HERC2: variants seen among roughly 807,000 people sequenced by gnomAD.
HERC2 encodes the protein HECT and RLD domain containing E3 ubiquitin protein ligase 2.
A neutral mutation model predicts 537.7 loss-of-function variants in HERC2; 102 were observed. The observed-to-expected ratio is 0.19, with a 90% CI of 0.16 to 0.22. The LOEUF is 0.22. Among genes scored for constraint, HERC2 ranks in the 10% least tolerant of loss-of-function variants. HERC2 has a pLI of 1.00. For missense variants in HERC2, 4,236 were observed against 6,198.2 expected (o/e 0.68, Z 10.63); for synonymous variants, 2,224 against 2,466.2 (o/e 0.90, Z 2.91).
At chr15:28,282,251 G>C (rs1337068524) in intron 4 of HERC2, among the ~76,000 whole-genome samples, 1 of 152,156 alleles carries the variant, frequency 6.6e-6, no homozygotes, top group Non-Finnish European at 1.5e-5. Context: ...ATTTAAGTAA[G>C]ACCTAGAGTC....
intron 2 of HERC2, among the ~76,000 whole-genome samples, chr15:28,308,573 C>A (rs2076855810): frequency 6.6e-6 from 1 of 152,202 alleles, no homozygotes; most frequent in African/African-American, 2.4e-5. Flanking sequence ...CTAGCAAGAA[C>A]TTCCAGTACT....
At chr15:28,142,764 C>T in intron 75 of HERC2, 63 bp downstream of exon 75, 2 of 1,517,944 alleles carry the variant, frequency 1.3e-6, no homozygotes, top group Non-Finnish European at 1.8e-6. Context: ...CACATGACAA[C>T]TCTCAGTGGC....
chr15:28,238,339 A>G, intron 24 of HERC2, 122 bp from the exon 25 acceptor site: 1 of 842,788 alleles, frequency 1.2e-6, no homozygotes, highest in Non-Finnish European at 2.0e-6. Flanking sequence ...ACCAGAGTAT[A>G]ATGACCTTCT....
chr15:28,287,719 CTTTT>C (rs766216433), intron 4 of HERC2, among the ~76,000 whole-genome samples: 3 of 124,822 alleles, frequency 2.4e-5, no homozygotes, highest in African/African-American at 6.8e-5. Context: ...ACTTATTCCT[CTTTT>C]TTTTTTTTTT....
intron 20 of HERC2, among the ~76,000 whole-genome samples, chr15:28,249,415 T>C (rs985937011): frequency 5.9e-5 from 9 of 152,170 alleles, no homozygotes; most frequent in African/African-American, 1.7e-4. Flanking sequence ...CATGAGCCAT[T>C]GGAAGATGAC....
chr15:28,292,115 G>A (rs923729928), intron 4 of HERC2, among the ~76,000 whole-genome samples: 1 of 150,056 alleles, frequency 6.7e-6, no homozygotes, highest in African/African-American at 2.5e-5. Context: ...TGTAATCCCA[G>A]CTACTCGGGA....
chr15:28,117,646 ACAGTGAGTGAGTGCCTCAGCCAGGAC>A (rs1888423583), intron 86 of HERC2: 1 of 422,406 alleles, frequency 2.4e-6, no homozygotes, highest in African/African-American at 2.0e-5. Flanking sequence ...TGAAGCAGAC[ACAGTGAGTGAGTGCCTCAGCCAGGAC>A]CAGCCCTTCC....
In HERC2 at chr15:28,177,198, TATACTGATCCACA is replaced by T; in HGVS notation, c.9255-84_9255-72del. Reference sequence around the variant, plus strand: ...TTAGAGATGAAGGAAAAAAGACATCTATACTGATCCACATGTAGTCAACACAGGATCCACAGAT... The same window carrying T: ...TTAGAGATGAAGGAAAAAAGACATCTTGTAGTCAACACAGGATCCACAGAT... On this transcript the variant is annotated intron_variant, in intron 60 of 92. Transcript: ENST00000261609. This position sits in a 1 kb window ranked among gnomAD's most constrained non-coding sequence, Gnocchi z 5.0. 6.9e-7 allele frequency: 1 copy of T among 1,454,770 alleles called. No individual in the cohort carries two copies. Among genetic ancestry groups the T allele is most frequent in the Non-Finnish European group, 9.4e-7 (1 of 1,063,924 alleles). 90.1% of individuals were successfully genotyped at this position (1,454,770 alleles called of 1,614,324 possible).
intron 2 of HERC2, chr15:28,315,602 G>C (rs2077060936): frequency 8.1e-6 from 4 of 496,884 alleles, no homozygotes; most frequent in South Asian, 6.9e-5. Context: ...AGACCAGCCT[G>C]GGCAACATGG....
chr15:28,301,592 C>A (rs1392810539), intron 2 of HERC2, among the ~76,000 whole-genome samples: 1 of 148,224 alleles, frequency 6.7e-6, no homozygotes, highest in Non-Finnish European at 1.5e-5. Context: ...GGGAAGGCAT[C>A]CATTCTGAAA....
At chr15:28,130,009 G>A (rs974959568) in intron 83 of HERC2, among the ~76,000 whole-genome samples, 154 bp downstream of exon 83, 2 of 152,002 alleles carry the variant, frequency 1.3e-5, no homozygotes, top group Non-Finnish European at 2.9e-5. Flanking sequence ...TCTTGACCTC[G>A]TGATCCGCCT....
Position 28,266,000 on chromosome 15 carries a change from A to G in HERC2, c.1599-26T>C, listed in dbSNP as rs751667114. 1 of 1,609,580 alleles carries G rather than the reference A, an allele frequency of 6.2e-7. No individual in the cohort carries two copies. The highest frequency in any genetic ancestry group is 1.1e-5 in the South Asian group (1 of 90,724). The stretch of plus-strand genomic sequence containing the variant: ...CTTGGGGAGAAAGGGAACAAACATG[A>G]ATGCCCTTCTTCTTGGTGTTATTTC... On this transcript the variant is annotated intron_variant, in intron 12 of 92. Coordinates refer to ENST00000261609, the MANE Select transcript of HERC2 (RefSeq NM_004667.6). This position sits in a 1 kb window ranked among gnomAD's most constrained non-coding sequence, Gnocchi z 4.0.
intron 5 of HERC2, 91 bp downstream of exon 5, chr15:28,279,977 C>G: frequency 1.1e-6 from 1 of 909,358 alleles, no homozygotes; most frequent in Non-Finnish European, 1.7e-6. Flanking sequence ...GTGAAGACAG[C>G]CTATATTGAA....
chr15:28,195,616 C>A (rs771082706), intron 52 of HERC2, among the ~76,000 whole-genome samples: 2 of 151,878 alleles, frequency 1.3e-5, no homozygotes, highest in Non-Finnish European at 2.9e-5. Flanking sequence ...GATGAGATGT[C>A]TGGAGTGGTC....
At chr15:28,179,762 A>G (rs1416652165) in intron 57 of HERC2, among the ~76,000 whole-genome samples, 2 of 152,204 alleles carry the variant, frequency 1.3e-5, no homozygotes, top group African/African-American at 4.8e-5. Context: ...AGGCTAATGT[A>G]TGTGTTTGGG....
rs1899545243 is a variant in HERC2 at position 28,213,824 on chromosome 15, C to T, written c.6704G>A (p.Arg2235His). ...HDEFGEGTVT[R>H]ITPKGKITVQ... is the part of the protein sequence containing the mutation. ...GGTGATTTTGCCCTTTGGGGTGATGCGAGTCACAGTGCCTTCTCCAAACTC... is the reference window on the plus strand; with the variant it reads ...GGTGATTTTGCCCTTTGGGGTGATGTGAGTCACAGTGCCTTCTCCAAACTC... The change falls in exon 42 of 93, where the codon CGC becomes CAC. Residue 2235 changes from arginine (R) to histidine (H), a missense_variant. Coordinates refer to ENST00000261609, the MANE Select transcript of HERC2 (RefSeq NM_004667.6). 9.9e-6 allele frequency: 16 copies of T among 1,613,994 alleles called. No homozygotes were observed. Among genetic ancestry groups the T allele is most frequent in the Non-Finnish European group, 1.4e-5 (16 of 1,179,874 alleles).
Position 28,256,015 on chromosome 15 carries a change from G to A in HERC2, c.2747-19C>T. On this transcript the variant is annotated intron_variant, in intron 18 of 92. Coordinates refer to ENST00000261609, the MANE Select transcript of HERC2 (RefSeq NM_004667.6). ...CCTGAAACTGAAATAGAAAGTGTGTGCCAATTTGAGTGAAACGCCATTCCC... is the reference window on the plus strand; with the variant it reads ...CCTGAAACTGAAATAGAAAGTGTGTACCAATTTGAGTGAAACGCCATTCCC... The A allele has an allele frequency of 2.5e-6, 4 of 1,605,248 alleles. No individual in the cohort carries two copies. Among genetic ancestry groups the A allele is most frequent in the Non-Finnish European group, 3.4e-6 (4 of 1,179,838 alleles).
chr15:28,139,331 C>T (rs1356554999), intron 78 of HERC2, among the ~76,000 whole-genome samples: 1 of 152,218 alleles, frequency 6.6e-6, no homozygotes, highest in Non-Finnish European at 1.5e-5. Flanking sequence ...CCCTCCTGCG[C>T]CTCCCTTGCT....
intron 44 of HERC2, among the ~76,000 whole-genome samples, chr15:28,209,274 A>C (rs1406861816): frequency 6.6e-6 from 1 of 152,224 alleles, no homozygotes; most frequent in Admixed American, 6.5e-5. Context: ...TCAGAATAAA[A>C]CAATTTTTTA....
Sources: allele counts gnomAD v4.1 joint callset (sites outside exome capture counted in the v4.1 genomes callset), GRCh38; gene constraint gnomAD v4.1.1; non-coding constraint Gnocchi (gnomAD v3.1); transcripts MANE v1.5; gene names NCBI Gene and HGNC (gene_info 2026-07-23, HGNC 2026-07-21).